Variants in KRABD3 observed in about 807,000 individuals in gnomAD.
KRABD3 encodes the protein KRAB domain containing 3.
chr7:149,719,755 T>C, the KRABD3 span: 1 of 1,472,022 alleles, frequency 6.8e-7, no homozygotes, highest in East Asian at 2.4e-5. This position sits in a 1 kb window ranked among gnomAD's most constrained non-coding sequence, Gnocchi z 5.6. Context: ...CCCGGCAGCC[T>C]TAGTCTTTCC....
At chr7:149,722,871 C>G in the KRABD3 span, 8,842 of 1,613,672 alleles carry the variant, frequency 5.5e-3, 422 homozygotes, top group African/African-American at 0.1. Context: ...CCGAGACATC[C>G]CCAAGCTTCT....
chr7:149,723,693 G>A, the KRABD3 span: 1 of 1,594,206 alleles, frequency 6.3e-7, no homozygotes, highest in African/African-American at 1.4e-5. Flanking sequence ...GAAGGCTGAG[G>A]ACACTGAGCT....
At chr7:149,731,826 C>A in the KRABD3 span, 1 of 1,433,830 alleles carries the variant, frequency 7.0e-7, no homozygotes. Context: ...GGACCCAGAG[C>A]CCCAGCTTGG....
the KRABD3 span, chr7:149,721,957 A>G: frequency 2.7e-6 from 1 of 371,712 alleles, no homozygotes; most frequent in Non-Finnish European, 5.1e-6. Context: ...TTATTTTTAA[A>G]ACTTCTCACA....
the KRABD3 span, chr7:149,724,840 G>A: frequency 5.1e-6 from 8 of 1,579,284 alleles, no homozygotes; most frequent in Non-Finnish European, 6.0e-6. Flanking sequence ...CTGGGGCCCT[G>A]AGGCTCAAGG....
At chr7:149,730,160 G>A in the KRABD3 span, 22 of 1,534,778 alleles carry the variant, frequency 1.4e-5, no homozygotes, top group African/African-American at 3.0e-4. Flanking sequence ...CTGCCCCCAA[G>A]CCCTCCCCGC....
chr7:149,729,675 A>G, the KRABD3 span: 1 of 985,348 alleles, frequency 1.0e-6, no homozygotes, highest in Admixed American at 6.1e-5. Context: ...AACTTCCAGC[A>G]GAATTCCTTC....
the KRABD3 span, chr7:149,723,647 G>A: frequency 3.5e-5 from 48 of 1,360,316 alleles, no homozygotes; most frequent in Non-Finnish European, 3.4e-5. Flanking sequence ...TTGGCCCCAC[G>A]CCCTTCTAAC....
the KRABD3 span, chr7:149,726,014 G>C: frequency 6.2e-7 from 1 of 1,613,038 alleles, no homozygotes; most frequent in Non-Finnish European, 8.5e-7. Flanking sequence ...ACTGGGACCT[G>C]GATTTTGGGA....
chr7:149,719,434 A>G, the KRABD3 span: 7 of 1,115,100 alleles, frequency 6.3e-6, no homozygotes, highest in South Asian at 1.7e-5. This position sits in a 1 kb window ranked among gnomAD's most constrained non-coding sequence, Gnocchi z 5.6. Flanking sequence ...GACCCTGGCT[A>G]TTATCCTGGA....
the KRABD3 span, among the ~76,000 whole-genome samples, chr7:149,717,953 C>T: frequency 2.2e-4 from 34 of 152,322 alleles, no homozygotes; most frequent in African/African-American, 7.9e-4. Context: ...CACCCACCAC[C>T]ATGCCTGGCT....
chr7:149,719,680 C>T, the KRABD3 span: 223,656 of 1,600,958 alleles, frequency 0.14, 21,021 homozygotes, highest in African/African-American at 0.48. This position sits in a 1 kb window ranked among gnomAD's most constrained non-coding sequence, Gnocchi z 5.6. Context: ...TGGGTAAGGA[C>T]GGGAGGGAGC....
At chr7:149,728,802 C>G in the KRABD3 span, 1 of 1,103,558 alleles carries the variant, frequency 9.1e-7, no homozygotes, top group Non-Finnish European at 1.3e-6. Context: ...CTGGGCAGAG[C>G]CTTGTTGGAG....
At chr7:149,728,038 C>T in the KRABD3 span, among the ~76,000 whole-genome samples, 1 of 152,286 alleles carries the variant, frequency 6.6e-6, no homozygotes, top group African/African-American at 2.4e-5. Context: ...GTTACTCGCA[C>T]AGCTGTCACT....
chr7:149,732,617 T>TA, the KRABD3 span, among the ~76,000 whole-genome samples: 656 of 147,838 alleles, frequency 4.4e-3, 4 homozygotes, highest in African/African-American at 0.016. This position sits in a 1 kb window ranked among gnomAD's most constrained non-coding sequence, Gnocchi z 4.0. Flanking sequence ...GATCTTTTTT[T>TA]AAAAAAAACA....
the KRABD3 span, chr7:149,722,666 C>T: frequency 1.3e-6 from 2 of 1,481,612 alleles, no homozygotes; most frequent in Non-Finnish European, 9.2e-7. Context: ...CCGGGCAGGC[C>T]TTGTCTGCAT....
the KRABD3 span, among the ~76,000 whole-genome samples, chr7:149,715,723 G>A: frequency 6.6e-6 from 1 of 152,306 alleles, no homozygotes; most frequent in East Asian, 1.9e-4. Flanking sequence ...GGGGGGCAGC[G>A]TGTGACTAGG....
chr7:149,726,201 C>G, the KRABD3 span: 1 of 733,958 alleles, frequency 1.4e-6, no homozygotes, highest in South Asian at 1.9e-5. Context: ...GGAGCAGATG[C>G]GGGACTTATC....
At chr7:149,733,551 G>T in the KRABD3 span, 1 of 1,599,984 alleles carries the variant, frequency 6.3e-7, no homozygotes, top group Non-Finnish European at 8.5e-7. Context: ...TGGGCTCATG[G>T]CCCTGGTCAC....
Sources: gnomAD v4.1 joint callset for allele counts (sites outside exome capture counted in the v4.1 genomes callset) on GRCh38, gnomAD v4.1.1 for gene constraint, Gnocchi (gnomAD v3.1) non-coding constraint, MANE v1.5 for transcripts, NCBI Gene and HGNC (gene_info 2026-07-23, HGNC 2026-07-21) for gene names.